LARP1B: variants seen among roughly 807,000 people sequenced by gnomAD.
LARP1B encodes the protein La ribonucleoprotein 1B, also known as la-related protein 1B.
In LARP1B, 76 loss-of-function variants were observed where a neutral mutation model predicts 114.2. That is an observed-to-expected ratio of 0.67 (90% CI 0.55 to 0.81). The LOEUF is 0.81. LARP1B is among the 30% of genes least tolerant of loss of function. The pLI is 0.00. For missense variants in LARP1B, 1,014 were observed against 1,075.8 expected (o/e 0.94, Z 0.80); for synonymous variants, 345 against 348.0 (o/e 0.99, Z 0.10).
chr4:128,136,162 G>T (rs569788277), intron 11 of LARP1B, among the ~76,000 whole-genome samples: 1 of 151,906 alleles, frequency 6.6e-6, no homozygotes, highest in South Asian at 2.1e-4. Context: ...GTGTGGTGGT[G>T]CACGCCTGTA....
chr4:128,083,095 T>C (rs1203353072), intron 5 of LARP1B, among the ~76,000 whole-genome samples: 1 of 152,090 alleles, frequency 6.6e-6, no homozygotes. Context: ...TAACCCTGAG[T>C]GGACACAGCA....
chr4:128,208,434 G>T (rs1015491920), intron 19 of LARP1B, among the ~76,000 whole-genome samples: 1 of 152,240 alleles, frequency 6.6e-6, no homozygotes, highest in Admixed American at 6.5e-5. Context: ...AATTTGTCTT[G>T]CAGTTTTGTG....
chr4:128,202,091 A>G (rs1756142737), intron 17 of LARP1B, among the ~76,000 whole-genome samples: 1 of 152,222 alleles, frequency 6.6e-6, no homozygotes, highest in African/African-American at 2.4e-5. Context: ...CAGCAGATCC[A>G]TGGCAGGTGT....
rs560324042 is a variant in LARP1B at position 128,133,509 on chromosome 4, A to G, written c.1524+11321A>G. On this transcript the variant is annotated intron_variant, in intron 11 of 19. Transcript: ENST00000326639. ...GCACAGTTAGAAAAAGCCACCCAAA[A>G]AATTCACGTGGAATCTCATGGGGCC... Among the ~76,000 whole-genome samples, 25 of 152,316 alleles carry G rather than the reference A, an allele frequency of 1.6e-4. No homozygotes were observed. In the East Asian group the frequency reaches 3.7e-3, roughly 22 times the overall value.
chr4:128,199,026 A>G (rs1052770291), intron 15 of LARP1B, among the ~76,000 whole-genome samples: 1 of 152,222 alleles, frequency 6.6e-6, no homozygotes, highest in Non-Finnish European at 1.5e-5. Context: ...TAATGAAATT[A>G]TTGCCCATCT....
intron 1 of LARP1B, among the ~76,000 whole-genome samples, chr4:128,063,180 A>T (rs1156860861): frequency 6.6e-6 from 1 of 151,990 alleles, no homozygotes; most frequent in Non-Finnish European, 1.5e-5. Context: ...TAATCCCAGC[A>T]CTTTGGGAGG....
intron 8 of LARP1B, among the ~76,000 whole-genome samples, chr4:128,105,982 G>C (rs528184505): frequency 7.2e-5 from 11 of 151,976 alleles, no homozygotes; most frequent in African/African-American, 2.2e-4. Context: ...TTAAGAGCAA[G>C]AGTAGGTTCT....
At chr4:128,115,267 T>A (rs1372715328) in intron 10 of LARP1B, among the ~76,000 whole-genome samples, 1 of 152,162 alleles carries the variant, frequency 6.6e-6, no homozygotes, top group African/African-American at 2.4e-5. Flanking sequence ...TGAACATGAT[T>A]TAAGAATTTT....
chr4:128,194,214 A>C (rs545020033), intron 15 of LARP1B, among the ~76,000 whole-genome samples: 10 of 152,076 alleles, frequency 6.6e-5, no homozygotes, highest in African/African-American at 2.4e-4. Context: ...CTGGGATTAC[A>C]GGTGCCCGCT....
At chr4:128,181,602 G>A (rs1010806153) in intron 15 of LARP1B, among the ~76,000 whole-genome samples, 10 of 151,324 alleles carry the variant, frequency 6.6e-5, no homozygotes, top group African/African-American at 2.4e-4. Context: ...ATTTTTTACT[G>A]ATCCTCTAGG....
intron 4 of LARP1B, among the ~76,000 whole-genome samples, chr4:128,079,333 G>T (rs1422093911): frequency 2.0e-5 from 3 of 151,950 alleles, no homozygotes; most frequent in Admixed American, 6.6e-5. Flanking sequence ...GAGCTCAGGC[G>T]ATCCACCTGC....
At chr4:128,206,738 C>G (rs1331671327) in intron 18 of LARP1B, 1 of 985,288 alleles carries the variant, frequency 1.0e-6, no homozygotes, top group Non-Finnish European at 1.2e-6. Flanking sequence ...AGTAACTACT[C>G]TCAAGTCTTT....
In LARP1B at chr4:128,091,434, A is replaced by G. The variant is rs1257810258; in HGVS notation, c.590A>G (p.Tyr197Cys). 1.2e-6 allele frequency: 2 copies of G among 1,609,570 alleles called. No homozygotes were observed. Among genetic ancestry groups the G allele is most frequent in the Admixed American group, 1.7e-5 (1 of 59,998 alleles). ...FQTELNTSMM[Y>C]YYDDGTGVQV... is the part of the protein sequence containing the mutation. ...ACAGAACTTAATACCAGTATGATGT[A>G]TTACTATGATGATGGTACAGGTGTA... is the stretch of plus-strand genomic sequence containing the variant. The change falls in exon 7 of 20, where the codon TAT (tyrosine) becomes TGT (cysteine). Residue 197 changes from tyrosine (Y) to cysteine (C), a missense_variant. By Grantham distance (194) the Tyr-to-Cys change is radical. Transcript: ENST00000326639.
At chr4:128,065,273 C>CAA (rs1561010527) in intron 1 of LARP1B, among the ~76,000 whole-genome samples, 49 of 116,156 alleles carry the variant, frequency 4.2e-4, no homozygotes, top group African/African-American at 1.4e-3. Flanking sequence ...TTCTTTCTTT[C>CAA]TTTCTTTCTT....
At chr4:128,070,086 A>C (rs1764619193) in intron 1 of LARP1B, among the ~76,000 whole-genome samples, 1 of 152,180 alleles carries the variant, frequency 6.6e-6, no homozygotes, top group South Asian at 2.1e-4. Flanking sequence ...TGGGAGGCTG[A>C]GGTGGGCGGA....
At chr4:128,134,924 G>A (rs1412906361) in intron 11 of LARP1B, among the ~76,000 whole-genome samples, 2 of 151,958 alleles carry the variant, frequency 1.3e-5, no homozygotes, top group African/African-American at 4.8e-5. Flanking sequence ...GGCCAACATG[G>A]CGAAACTCCA....
chr4:128,072,403 A>G (rs1765733488), intron 1 of LARP1B, among the ~76,000 whole-genome samples: 3 of 152,132 alleles, frequency 2.0e-5, no homozygotes, highest in Admixed American at 1.3e-4. Context: ...GATATGTTTT[A>G]AATTTTTAAA....
chr4:128,169,811 AT>A (rs1482213223), intron 12 of LARP1B, among the ~76,000 whole-genome samples: 2 of 151,808 alleles, frequency 1.3e-5, no homozygotes, highest in Admixed American at 6.6e-5. Context: ...TAATTTTTGT[AT>A]TTTTAGTAAA....
intron 7 of LARP1B, 144 bp from the exon 8 acceptor site, chr4:128,098,042 C>G: frequency 1.8e-6 from 1 of 565,688 alleles, no homozygotes; most frequent in East Asian, 2.8e-5. Flanking sequence ...TTTACCCTAT[C>G]TGTGTTGTAT....
Sources: allele counts gnomAD v4.1 joint callset (sites outside exome capture counted in the v4.1 genomes callset), GRCh38; gene constraint gnomAD v4.1.1; transcripts MANE v1.5; gene names NCBI Gene and HGNC (gene_info 2026-07-23, HGNC 2026-07-21).